SPAG16: variants seen among roughly 807,000 people sequenced by gnomAD.
The protein encoded by SPAG16 is sperm-associated antigen 16 protein.
SPAG16 carries 86 observed loss-of-function variants against 80.4 expected under a neutral mutation model. The observed-to-expected ratio is 1.07, with a 90% CI of 0.90 to 1.28. The LOEUF is 1.28. Among genes scored for constraint, SPAG16 ranks in the 50% most tolerant of loss-of-function variants. The pLI is 0.00. For missense variants in SPAG16, 870 were observed against 765.3 expected, an observed-to-expected ratio of 1.14 and a Z score of -1.61; for synonymous variants, 294 against 265.9, an observed-to-expected ratio of 1.11 and a Z score of -1.03.
chr2:213,664,675 C>T (rs1374746936), intron 10 of SPAG16, among the ~76,000 whole-genome samples: 1 of 152,004 alleles, frequency 6.6e-6, no homozygotes, highest in Non-Finnish European at 1.5e-5. Context: ...TCACTATACT[C>T]AAGGAAGCTC....
At chr2:213,344,134 G>A (rs2064836769) in intron 6 of SPAG16, among the ~76,000 whole-genome samples, 1 of 152,030 alleles carries the variant, frequency 6.6e-6, no homozygotes, top group East Asian at 1.9e-4. Context: ...TTAGGTTTCT[G>A]AATTTGAATG....
chr2:213,905,164 G>T (rs2077383694), intron 11 of SPAG16, among the ~76,000 whole-genome samples: 1 of 152,092 alleles, frequency 6.6e-6, no homozygotes, highest in South Asian at 2.1e-4. Context: ...GGTAAAAGAA[G>T]ATAAGACATA....
chr2:214,235,547 C>A (rs1192659663), intron 15 of SPAG16, among the ~76,000 whole-genome samples: 1 of 152,100 alleles, frequency 6.6e-6, no homozygotes, highest in African/African-American at 2.4e-5. Context: ...CCTCCTGGAA[C>A]CCTGCATAGA....
At chr2:213,801,270 CTT>C (rs994919586) in intron 10 of SPAG16, among the ~76,000 whole-genome samples, 5 of 152,184 alleles carry the variant, frequency 3.3e-5, no homozygotes, top group African/African-American at 1.2e-4. Flanking sequence ...GGAATAAATA[CTT>C]TCTCTATTTC....
intron 12 of SPAG16, among the ~76,000 whole-genome samples, chr2:213,970,642 A>G (rs1191623634): frequency 6.6e-6 from 1 of 152,234 alleles, no homozygotes; most frequent in African/African-American, 2.4e-5. Context: ...ATTGGTGAAC[A>G]TGACTGGGCA....
rs966578000 is a variant in SPAG16, at chr2:213,979,987, A to G, written c.1401-33964A>G. ...TTTCTCTCCACCCTTCCAGATTACTATGTTTTTGTTTGCAATAAACATGTA... is the reference window on the plus strand; with the variant it reads ...TTTCTCTCCACCCTTCCAGATTACTGTGTTTTTGTTTGCAATAAACATGTA... On this transcript the variant is annotated intron_variant, in intron 12 of 15. Coordinates refer to ENST00000331683, the MANE Select transcript of SPAG16 (RefSeq NM_024532.5). Among the ~76,000 whole-genome samples, 6 of 151,912 alleles carry G rather than the reference A, an allele frequency of 3.9e-5. No individual in the cohort carries two copies. In the South Asian group the frequency reaches 1.2e-3, roughly 31 times the overall value.
intron 4 of SPAG16, 41 bp from the exon 5 acceptor site, chr2:213,317,178 G>C (rs745493305): frequency 7.4e-7 from 1 of 1,349,952 alleles, no homozygotes; most frequent in Admixed American, 2.2e-5. Context: ...CAATTTGGCA[G>C]AAAGAAATGA....
At chr2:213,910,646 G>A (rs189122157) in intron 11 of SPAG16, among the ~76,000 whole-genome samples, 3,158 of 82,462 alleles carry the variant, frequency 0.038, 812 homozygotes, top group African/African-American at 0.095. Context: ...CCGCTACCAC[G>A]CCCGGCTAAT....
At chr2:213,738,880 C>A (rs2067416852) in intron 10 of SPAG16, among the ~76,000 whole-genome samples, 1 of 152,096 alleles carries the variant, frequency 6.6e-6, no homozygotes, top group Admixed American at 6.5e-5. Flanking sequence ...GATTTCATTG[C>A]CAGTATGACA....
intron 14 of SPAG16, among the ~76,000 whole-genome samples, chr2:214,122,914 A>T (rs956865691): frequency 6.6e-6 from 1 of 151,906 alleles, no homozygotes; most frequent in Non-Finnish European, 1.5e-5. Context: ...AAATATTTAA[A>T]TTATGTCAAT....
chr2:214,140,933 T>G (rs2055318312), intron 14 of SPAG16, among the ~76,000 whole-genome samples: 1 of 59,212 alleles, frequency 1.7e-5, no homozygotes, highest in Non-Finnish European at 3.2e-5. Flanking sequence ...ATCCCATTGG[T>G]GGGGGGGGGG....
chr2:213,796,658 G>A (rs895903626), intron 10 of SPAG16, among the ~76,000 whole-genome samples: 4 of 152,082 alleles, frequency 2.6e-5, no homozygotes, highest in Non-Finnish European at 5.9e-5. Flanking sequence ...CATTACTTAT[G>A]TGTTAGTGGT....
intron 10 of SPAG16, among the ~76,000 whole-genome samples, chr2:213,592,422 G>A (rs2060729384): frequency 6.6e-6 from 1 of 152,076 alleles, no homozygotes; most frequent in African/African-American, 2.4e-5. Context: ...TGAAGTATTT[G>A]CTTAAAAAAG....
At position 213,767,568 on chromosome 2, in the gene SPAG16, C is replaced by T. The variant is rs570922053; in HGVS notation, c.1071-94917C>T. On this transcript the variant is annotated intron_variant, in intron 10 of 15. Transcript: ENST00000331683. Reference sequence around the variant, plus strand: ...GCTTGAGCCTGGGAGGTGGAGGCTGCAGGGACCTCTGATTACATTACTATG... The same window carrying T: ...GCTTGAGCCTGGGAGGTGGAGGCTGTAGGGACCTCTGATTACATTACTATG... Among the ~76,000 whole-genome samples the T allele has an allele frequency of 9.2e-5, 14 of 151,788 alleles. No individual in the cohort carries two copies. In the South Asian group the frequency reaches 2.7e-3, roughly 29 times the overall value.
intron 13 of SPAG16, among the ~76,000 whole-genome samples, chr2:214,025,593 G>A (rs539690612): frequency 1.3e-4 from 19 of 151,706 alleles, no homozygotes; most frequent in African/African-American, 4.3e-4. Flanking sequence ...AACATTTGTG[G>A]CAAGTGTTTC....
chr2:213,286,099 G>T (rs1178069255), intron 1 of SPAG16, among the ~76,000 whole-genome samples: 2 of 152,146 alleles, frequency 1.3e-5, no homozygotes, highest in Non-Finnish European at 2.9e-5. Context: ...TTAATGTGCA[G>T]GGAGATCACT....
intron 11 of SPAG16, among the ~76,000 whole-genome samples, chr2:213,898,546 G>A (rs2077086455): frequency 6.6e-6 from 1 of 152,014 alleles, no homozygotes; most frequent in Non-Finnish European, 1.5e-5. Flanking sequence ...AATTTATGGT[G>A]GAACAGATGG....
intron 15 of SPAG16, among the ~76,000 whole-genome samples, chr2:214,231,783 T>C (rs1232963321): frequency 2.0e-5 from 3 of 152,094 alleles, no homozygotes; most frequent in Non-Finnish European, 4.4e-5. Flanking sequence ...TTGTCTGTTT[T>C]CTTTAAGAGA....
chr2:214,328,445 G>A (rs759286204), intron 15 of SPAG16, among the ~76,000 whole-genome samples: 2 of 152,164 alleles, frequency 1.3e-5, no homozygotes, highest in Middle Eastern at 3.2e-3. Flanking sequence ...TTACAGGCGT[G>A]AGCCACCATG....
Sources: allele counts gnomAD v4.1 joint callset (sites outside exome capture counted in the v4.1 genomes callset), GRCh38; gene constraint gnomAD v4.1.1; transcripts MANE v1.5; gene names NCBI Gene and HGNC (gene_info 2026-07-23, HGNC 2026-07-21).